SHPK: variants seen among roughly 807,000 people sequenced by gnomAD.
SHPK encodes the protein carbohydrate kinase-like protein.
Under a neutral mutation model 46.3 loss-of-function variants are expected in SHPK, and 51 were observed. The ratio of observed to expected loss-of-function variants is 1.10; its 90% CI spans 0.88 to 1.39. The LOEUF is 1.39. Ranked by LOEUF, SHPK falls within the 40% of genes most tolerant of loss-of-function variation. SHPK has a pLI of 0.00. For synonymous variants in SHPK, 290 were observed against 273.9 expected (o/e 1.06, Z -0.58); for missense variants, 668 against 641.3 (o/e 1.04, Z -0.45).
chr17:3,632,506 G>C (rs569233884), intron 1 of SHPK, among the ~76,000 whole-genome samples: 3 of 152,132 alleles, frequency 2.0e-5, no homozygotes, highest in South Asian at 2.1e-4. Flanking sequence ...TGAGTTGTGT[G>C]GGGGGAGACA....
intron 2 of SHPK, among the ~76,000 whole-genome samples, chr17:3,628,119 T>A: frequency 6.6e-6 from 1 of 152,070 alleles, no homozygotes; most frequent in African/African-American, 2.4e-5. Context: ...CAGGGCACTC[T>A]AAATTGCCGA....
At position 3,620,179 on chromosome 17, in the gene SHPK, T is replaced by C. The variant is rs983422191; in HGVS notation, c.823+1058A>G. ...AGAAAATATTTTCTGCCCTTTAGAGTAAAAGAGCCAATCCCTGCCCTAGAC... is the reference window on the plus strand; with the variant it reads ...AGAAAATATTTTCTGCCCTTTAGAGCAAAAGAGCCAATCCCTGCCCTAGAC... On this transcript the variant is annotated intron_variant, in intron 5 of 6. Transcript: ENST00000225519. Among the ~76,000 whole-genome samples, 8 of 152,052 alleles carry C rather than the reference T, an allele frequency of 5.3e-5. No homozygotes were observed. The East Asian group carries it at 1.4e-3, about 26-fold the overall frequency.
chr17:3,622,393 G>A (rs778181863), intron 4 of SHPK, among the ~76,000 whole-genome samples: 1 of 152,186 alleles, frequency 6.6e-6, no homozygotes, highest in Non-Finnish European at 1.5e-5. Flanking sequence ...GCAAAGGGAG[G>A]CAGCCGGAGG....
At chr17:3,633,761 G>A (rs2075488224) in intron 1 of SHPK, among the ~76,000 whole-genome samples, 1 of 152,130 alleles carries the variant, frequency 6.6e-6, no homozygotes, top group South Asian at 2.1e-4. Context: ...CCCCGTCTGG[G>A]TAGTGTACCC....
rs768404875 is a variant in SHPK at position 3,615,546 on chromosome 17, C to T, written c.824-9G>A. 2.0e-5 allele frequency: 33 copies of T among 1,613,458 alleles called. No homozygotes were observed. The highest frequency in any genetic ancestry group is 3.3e-4 in the Middle Eastern group (2 of 6,084). ...GGTGCTGATGTTGAGAACTGGGGTC[C>T]GAAGAGAGCAGAGCTTAGGCCTGTC... On this transcript the variant is annotated splice_polypyrimidine_tract_variant and intron_variant, in intron 5 of 6. Transcript: ENST00000225519.
At chr17:3,615,576 T>C in intron 5 of SHPK, 39 bp from the exon 6 acceptor site, 1 of 1,586,882 alleles carries the variant, frequency 6.3e-7, no homozygotes. Context: ...CCTGTCGGGC[T>C]AACTCAGAGG....
At position 3,623,371 on chromosome 17, in the gene SHPK, G is replaced by A. The variant is rs910941031; in HGVS notation, c.615C>T (p.Phe205=). 6.2e-7 allele frequency: 1 copy of A among 1,614,192 alleles called. No individual in the cohort carries two copies. The highest frequency in any genetic ancestry group is 1.7e-5 in the Admixed American group (1 of 60,024). ...SDQNAASWGY[F]NTQSQSWNVE... is the part of the protein sequence containing the mutation. The stretch of plus-strand genomic sequence containing the variant: ...CGTTCCAGCTTTGGCTCTGCGTGTT[G>A]AAATAGCCCCAGCTGGCAGCATTCT... The change falls in exon 4 of 7, where the codon TTC becomes TTT. Residue 205 remains phenylalanine, a synonymous_variant. Coordinates refer to ENST00000225519, the MANE Select transcript of SHPK (RefSeq NM_013276.4).
chr17:3,635,877 C>A (rs2075519740), intron 1 of SHPK, among the ~76,000 whole-genome samples, 175 bp downstream of exon 1: 1 of 152,148 alleles, frequency 6.6e-6, no homozygotes, highest in Non-Finnish European at 1.5e-5. Context: ...ATTCTGGGAC[C>A]AGACCTAAGG....
intron 5 of SHPK, among the ~76,000 whole-genome samples, chr17:3,616,614 G>A (rs966259279): frequency 6.6e-6 from 1 of 152,206 alleles, no homozygotes; most frequent in Non-Finnish European, 1.5e-5. Context: ...TTGTTACACA[G>A]CAAAAGAAAA....
chr17:3,631,540 A>AG lies in SHPK; in HGVS notation c.169-1195dup, dbSNP rs948373248. ...TTTTTTTTTTTTTTTTTTTTTTTTT[A>AG]GCGATAGAGTCTCTCTCTATTGCTC... is the stretch of plus-strand genomic sequence containing the variant. On this transcript the variant is annotated intron_variant, in intron 1 of 6. Coordinates refer to ENST00000225519, the MANE Select transcript of SHPK (RefSeq NM_013276.4). Among the ~76,000 whole-genome samples the AG allele has an allele frequency of 4.6e-3, 24 of 5,192 alleles. 2 individuals are homozygous for AG. The highest frequency in any genetic ancestry group is 0.019 in the Admixed American group (5 of 268). The allele number at this position is 5,192 out of a possible 152,430, so 3.4% of individuals were successfully genotyped here.
At chr17:3,615,276 G>A (rs1255587336) in intron 6 of SHPK, 61 bp downstream of exon 6, 9 of 1,540,808 alleles carry the variant, frequency 5.8e-6, no homozygotes, top group East Asian at 2.3e-5. Flanking sequence ...GTGAAGCTCC[G>A]AGACCCTGCC....
chr17:3,621,096 C>G (rs978246978), intron 5 of SHPK, 141 bp downstream of exon 5: 14 of 731,202 alleles, frequency 1.9e-5, no homozygotes, highest in African/African-American at 1.8e-5. Context: ...GACAAGGGTG[C>G]TTTTCATCTT....
At chr17:3,622,952 G>A (rs931061465) in intron 4 of SHPK, among the ~76,000 whole-genome samples, 3 of 152,100 alleles carry the variant, frequency 2.0e-5, no homozygotes, top group Admixed American at 6.5e-5. Flanking sequence ...TGATTCACCC[G>A]CCTCAGCCTC....
At chr17:3,623,780 G>A (rs370757127) in intron 3 of SHPK, among the ~76,000 whole-genome samples, 6 of 152,186 alleles carry the variant, frequency 3.9e-5, no homozygotes, top group Non-Finnish European at 7.4e-5. Flanking sequence ...AACACACTGC[G>A]AACTCTCCCC....
In SHPK at chr17:3,624,098, A is replaced by G. The variant is rs779243469; in HGVS notation, c.444T>C (p.Ser148=). 5 of 1,614,054 alleles carry G rather than the reference A, an allele frequency of 3.1e-6. No individual in the cohort carries two copies. The highest frequency in any genetic ancestry group is 1.1e-5 in the South Asian group (1 of 91,078). ...ASLPQPKSHL[S]VATGFGCATI... Reference sequence around the variant, plus strand: ...TTGCACAGCCGAAGCCCGTGGCCACACTGAGATGAGACTTCGGCTGGGGCA... The same window carrying G: ...TTGCACAGCCGAAGCCCGTGGCCACGCTGAGATGAGACTTCGGCTGGGGCA... The change falls in exon 3 of 7, where the codon AGT becomes AGC. Residue 148 remains serine, a synonymous_variant. Coordinates refer to ENST00000225519, the MANE Select transcript of SHPK (RefSeq NM_013276.4).
intron 2 of SHPK, among the ~76,000 whole-genome samples, chr17:3,629,215 G>A (rs144404974): frequency 8.1e-4 from 124 of 152,222 alleles, no homozygotes; most frequent in Non-Finnish European, 1.6e-3. Flanking sequence ...TCCACACAAT[G>A]GGGACAACAG....
intron 1 of SHPK, among the ~76,000 whole-genome samples, chr17:3,631,855 G>C (rs1041642561): frequency 6.6e-6 from 1 of 151,704 alleles, no homozygotes; most frequent in South Asian, 2.1e-4. Flanking sequence ...TAATGTGCTG[G>C]ATACACTGGG....
At chr17:3,630,656 C>T (rs553308594) in intron 1 of SHPK, among the ~76,000 whole-genome samples, 3 of 152,222 alleles carry the variant, frequency 2.0e-5, no homozygotes, top group East Asian at 3.9e-4. Context: ...GTCAGGAGTT[C>T]GAGACCAGCC....
chr17:3,622,663 C>A, intron 4 of SHPK: 5 of 749,436 alleles, frequency 6.7e-6, no homozygotes, highest in Non-Finnish European at 8.1e-6. Flanking sequence ...TCAAAAAGAA[C>A]TTAAAAGGCA....
Sources: gnomAD v4.1 joint callset for allele counts (sites outside exome capture counted in the v4.1 genomes callset) on GRCh38, gnomAD v4.1.1 for gene constraint, MANE v1.5 for transcripts, NCBI Gene and HGNC (gene_info 2026-07-23, HGNC 2026-07-21) for gene names.